Variants in GLIS1 observed in about 807,000 individuals in gnomAD.
GLIS1 encodes GLIS family zinc finger 1.
GLIS1 carries 24 observed loss-of-function variants against 63.8 expected under a neutral mutation model. The ratio of observed to expected loss-of-function variants is 0.38; its 90% CI spans 0.27 to 0.53. The LOEUF (loss-of-function observed/expected upper bound fraction) is 0.53, where lower values mean the gene tolerates loss of function less well. GLIS1 is among the 20% of genes least tolerant of loss of function. GLIS1 has a pLI of 0.85. For missense variants in GLIS1, 1,036 were observed against 1,074.1 expected (o/e 0.96, Z 0.50); for synonymous variants, 450 against 482.5 (o/e 0.93, Z 0.88).
chr1:53,643,592 A>T (rs1001761676), intron 2 of GLIS1, among the ~76,000 whole-genome samples: 2 of 152,138 alleles, frequency 1.3e-5, no homozygotes, highest in African/African-American at 4.8e-5. Flanking sequence ...ACAGCATAAC[A>T]CGGCAACTAT....
At chr1:53,524,746 G>T (rs1441830225) in intron 6 of GLIS1, 31 bp downstream of exon 6, 22 of 1,531,784 alleles carry the variant, frequency 1.4e-5, no homozygotes, top group Non-Finnish European at 1.8e-5. Context: ...CTGCGAGGTG[G>T]GAGGAGGCCA....
intron 2 of GLIS1, among the ~76,000 whole-genome samples, chr1:53,632,799 AAG>A (rs750779116): frequency 1.7e-5 from 2 of 118,594 alleles, no homozygotes; most frequent in African/African-American, 3.3e-5. Context: ...ACTGAGGAGA[AAG>A]GGGGAGTGAG....
Position 53,529,892 on chromosome 1 carries a change from G to A in GLIS1, c.1381C>T (p.His461Tyr). The A allele has an allele frequency of 6.2e-7, 1 of 1,613,938 alleles. No individual in the cohort carries two copies. The highest frequency in any genetic ancestry group is 8.5e-7 in the Non-Finnish European group (1 of 1,179,966). Residue 461 changes from histidine (H) to tyrosine (Y), a missense_variant, in exon 5 of 11, where the codon CAC becomes TAC. This residue lies in a region of GLIS1 where 44 missense variants were observed against 79.3 expected (regional missense o/e 0.55). Transcript: ENST00000628545. Reference protein sequence around the residue: ...LENLKIHLRSHTGEKPYLCQH... With the variant: ...LENLKIHLRSYTGEKPYLCQH... The stretch of plus-strand genomic sequence containing the variant: ...CACAGGTACGGCTTCTCGCCCGTGT[G>A]GCTCCTCAGGTGGATCTTGAGGTTC...
chr1:53,609,266 CTTTTTTTT>C (rs1221426769), intron 2 of GLIS1, among the ~76,000 whole-genome samples: 1 of 81,378 alleles, frequency 1.2e-5, no homozygotes, highest in Non-Finnish European at 2.1e-5. Flanking sequence ...GGGTTTAAAT[CTTTTTTTT>C]TTTTTTTTTT....
chr1:53,516,586 G>A (rs1644355319), intron 7 of GLIS1, among the ~76,000 whole-genome samples: 1 of 152,018 alleles, frequency 6.6e-6, no homozygotes, highest in Admixed American at 6.5e-5. Context: ...GCCGAGGCGG[G>A]AGGATTACTT....
chr1:53,685,887 G>A (rs567721463), intron 2 of GLIS1, among the ~76,000 whole-genome samples: 9 of 152,162 alleles, frequency 5.9e-5, no homozygotes, highest in Admixed American at 5.9e-4. Context: ...CTGGCCTCAG[G>A]AACTGCTCCC....
At chr1:53,702,172 C>G (rs1646530853) in intron 2 of GLIS1, among the ~76,000 whole-genome samples, 1 of 152,128 alleles carries the variant, frequency 6.6e-6, no homozygotes, top group African/African-American at 2.4e-5. Context: ...TCCCCACCAT[C>G]ACAGCAGCAG....
intron 8 of GLIS1, among the ~76,000 whole-genome samples, chr1:53,513,488 A>G (rs1040894871): frequency 6.6e-6 from 1 of 151,590 alleles, no homozygotes; most frequent in African/African-American, 2.4e-5. Context: ...GCCTACCTTC[A>G]CTCTTGCTAC....
chr1:53,656,278 T>C (rs1487689762), intron 2 of GLIS1, among the ~76,000 whole-genome samples: 3 of 151,746 alleles, frequency 2.0e-5, no homozygotes, highest in Non-Finnish European at 4.4e-5. Flanking sequence ...CAGAGGGGAG[T>C]GCCCCATCCT....
At chr1:53,541,235 A>G (rs1644640024) in intron 4 of GLIS1, among the ~76,000 whole-genome samples, 1 of 152,196 alleles carries the variant, frequency 6.6e-6, no homozygotes, top group African/African-American at 2.4e-5. Flanking sequence ...ATGTGTACTC[A>G]TCAGGGCTGC....
chr1:53,506,855 C>A (rs1028469900), intron 10 of GLIS1, 79 bp from the exon 11 acceptor site: 50 of 1,383,920 alleles, frequency 3.6e-5, no homozygotes, highest in Non-Finnish European at 4.4e-5. Flanking sequence ...CCAGGCCCCA[C>A]CCCGCCTGCC....
chr1:53,651,358 A>G (rs1334758395), intron 2 of GLIS1, among the ~76,000 whole-genome samples: 1 of 152,250 alleles, frequency 6.6e-6, no homozygotes, highest in Non-Finnish European at 1.5e-5. Flanking sequence ...ACTGATACTA[A>G]TAAGGGCTCC....
chr1:53,692,029 C>A (rs2100462831), intron 2 of GLIS1, among the ~76,000 whole-genome samples: 1 of 152,276 alleles, frequency 6.6e-6, no homozygotes, highest in South Asian at 2.1e-4. Flanking sequence ...GGCAATTTCA[C>A]ACCCAGCCTG....
rs749504890 is a variant in GLIS1, at chr1:53,509,874, T to C, written c.2037A>G (p.Pro679=). The part of the protein sequence containing the change: ...KPSYPPFQSP[P]PPPLPSPQGY... ...CTTGTGGGCTGGGCAGAGGCGGGGGTGGAGGGCTCTGGAAGGGTGGGTAGG... is the reference window on the plus strand; with the variant it reads ...CTTGTGGGCTGGGCAGAGGCGGGGGCGGAGGGCTCTGGAAGGGTGGGTAGG... Residue 679 remains proline, a synonymous_variant, in exon 9 of 11, where the codon CCA becomes CCG. Coordinates refer to ENST00000628545, the MANE Select transcript of GLIS1 (RefSeq NM_001367484.1). The C allele has an allele frequency of 7.8e-7, 1 of 1,278,326 alleles. No homozygotes were observed. The allele number at this position is 1,278,326 out of a possible 1,614,324, so 79.2% of individuals were successfully genotyped here.
chr1:53,703,639 T>TAAA (rs59555116), intron 2 of GLIS1, among the ~76,000 whole-genome samples: 6 of 71,640 alleles, frequency 8.4e-5, no homozygotes, highest in African/African-American at 1.1e-4. Flanking sequence ...ACCCTGTCTC[T>TAAA]AAAAAAAAAA....
intron 2 of GLIS1, among the ~76,000 whole-genome samples, chr1:53,662,177 C>A (rs145627822): frequency 4.2e-4 from 64 of 152,332 alleles, no homozygotes; most frequent in Admixed American, 8.5e-4. Flanking sequence ...ATTCTTGGGG[C>A]CTCAGACGTT....
chr1:53,519,437 T>C (rs993445618), intron 7 of GLIS1, among the ~76,000 whole-genome samples: 4 of 152,150 alleles, frequency 2.6e-5, no homozygotes, highest in Non-Finnish European at 1.5e-5. Context: ...AATAAAAAAT[T>C]AGAAAACAAA....
intron 2 of GLIS1, among the ~76,000 whole-genome samples, chr1:53,677,824 C>T (rs1646230059): frequency 6.6e-6 from 1 of 152,238 alleles, no homozygotes; most frequent in Admixed American, 6.5e-5. Flanking sequence ...TCCAAGCCTT[C>T]TTCTCGCTTA....
chr1:53,609,691 A>AGTCTAAT, intron 2 of GLIS1, among the ~76,000 whole-genome samples: 1 of 152,322 alleles, frequency 6.6e-6, no homozygotes, highest in East Asian at 1.9e-4. Flanking sequence ...CTTCTATTGC[A>AGTCTAAT]GTCTAATATA....
Sources: allele counts gnomAD v4.1 joint callset (sites outside exome capture counted in the v4.1 genomes callset), GRCh38; gene constraint gnomAD v4.1.1; regional missense constraint gnomAD v4.1.1; transcripts MANE v1.5; gene names NCBI Gene and HGNC (gene_info 2026-07-23, HGNC 2026-07-21).